Variants in PHACTR1 observed in about 807,000 individuals in gnomAD.
PHACTR1 encodes the protein phosphatase and actin regulator 1.
PHACTR1 carries 16 observed loss-of-function variants against 69.2 expected under a neutral mutation model. The observed-to-expected ratio is 0.23, with a 90% CI of 0.16 to 0.35. The LOEUF (loss-of-function observed/expected upper bound fraction) is 0.35. Ranked by LOEUF, PHACTR1 falls within the 10% of genes least tolerant of loss-of-function variation. PHACTR1 has a pLI of 1.00. For missense variants in PHACTR1, 510 were observed against 734.7 expected, an observed-to-expected ratio of 0.69 and a Z score of 3.54; for synonymous variants, 312 against 284.5, an observed-to-expected ratio of 1.10 and a Z score of -0.97.
chr6:12,862,723 A>G (rs1781065116), intron 4 of PHACTR1, among the ~76,000 whole-genome samples: 1 of 152,346 alleles, frequency 6.6e-6, no homozygotes, highest in Non-Finnish European at 1.5e-5. Context: ...AAAAAAGCAC[A>G]TCTTCTCTGA....
chr6:13,107,427 C>G (rs1816348585), intron 5 of PHACTR1, among the ~76,000 whole-genome samples: 1 of 152,126 alleles, frequency 6.6e-6, no homozygotes, highest in Admixed American at 6.6e-5. Context: ...CTCTTTGTAT[C>G]TAAATAAGTT....
At chr6:13,230,936 A>G (rs993977872) in intron 10 of PHACTR1, among the ~76,000 whole-genome samples, 2 of 151,862 alleles carry the variant, frequency 1.3e-5, no homozygotes, top group African/African-American at 4.8e-5. Context: ...GGATGGCTTG[A>G]GCACAGGAGG....
intron 11 of PHACTR1, chr6:13,273,902 G>GCCCCCCC: frequency 6.9e-6 from 1 of 145,758 alleles, no homozygotes; most frequent in African/African-American, 2.7e-5. Flanking sequence ...GCCTCCCCCG[G>GCCCCCCC]CCCCCCCGCC....
chr6:12,772,536 T>C (rs1185797269), intron 4 of PHACTR1, among the ~76,000 whole-genome samples: 2 of 152,220 alleles, frequency 1.3e-5, no homozygotes, highest in African/African-American at 2.4e-5. Flanking sequence ...TTGTGCCTAC[T>C]TTACTCTGCA....
chr6:12,792,464 CAAAAAAAAAAAAAAAAA>C (rs60942588), intron 4 of PHACTR1, among the ~76,000 whole-genome samples: 4 of 31,404 alleles, frequency 1.3e-4, no homozygotes, highest in South Asian at 2.5e-3. Flanking sequence ...AACTCCATGT[CAAAAAAAAAAAAAAAAA>C]AAAAAAAAAA....
chr6:13,265,950 A>G (rs1426045914), intron 10 of PHACTR1, among the ~76,000 whole-genome samples: 1 of 152,126 alleles, frequency 6.6e-6, no homozygotes, highest in Non-Finnish European at 1.5e-5. Flanking sequence ...TCAGATTTCT[A>G]TCACTGGCCT....
chr6:12,797,040 T>TGTGTGAGTGTGTGAGA (rs563796658), intron 4 of PHACTR1, among the ~76,000 whole-genome samples: 3 of 133,396 alleles, frequency 2.2e-5, no homozygotes, highest in African/African-American at 8.4e-5. Flanking sequence ...TGTGTGTGTG[T>TGTGTGAGTGTGTGAGA]GAGAGAGAGA....
intron 10 of PHACTR1, among the ~76,000 whole-genome samples, chr6:13,253,619 G>C (rs1774795200): frequency 6.6e-6 from 1 of 152,212 alleles, no homozygotes; most frequent in Non-Finnish European, 1.5e-5. Context: ...CCTAGGGTAA[G>C]CCTTCAGTTA....
intron 4 of PHACTR1, among the ~76,000 whole-genome samples, chr6:12,990,684 G>C (rs887730276): frequency 6.6e-6 from 1 of 152,210 alleles, no homozygotes; most frequent in Non-Finnish European, 1.5e-5. Context: ...ACAGCCTTCT[G>C]CACCTGCCCC....
intron 7 of PHACTR1, among the ~76,000 whole-genome samples, chr6:13,196,169 A>C (rs193223092): frequency 6.2e-4 from 94 of 152,262 alleles, no homozygotes; most frequent in African/African-American, 2.2e-3. Flanking sequence ...GAAAGGCAAG[A>C]AGTAGTGTGT....
At chr6:13,223,907 T>A (rs978942145) in intron 8 of PHACTR1, among the ~76,000 whole-genome samples, 1 of 152,182 alleles carries the variant, frequency 6.6e-6, no homozygotes, top group Non-Finnish European at 1.5e-5. Flanking sequence ...GCCCTTTTTG[T>A]CATTGCCATT....
intron 4 of PHACTR1, among the ~76,000 whole-genome samples, chr6:12,902,747 A>G (rs1785338314): frequency 6.6e-6 from 1 of 152,234 alleles, no homozygotes; most frequent in African/African-American, 2.4e-5. Context: ...ATTCATCAAT[A>G]TATGAAGAAC....
chr6:12,828,738 G>T (rs1486299218), intron 4 of PHACTR1, among the ~76,000 whole-genome samples: 3 of 149,894 alleles, frequency 2.0e-5, no homozygotes, highest in Non-Finnish European at 3.0e-5. Flanking sequence ...AATTATTTTT[G>T]GGGAAAAATA....
At chr6:12,832,524 C>A (rs1777693183) in intron 4 of PHACTR1, among the ~76,000 whole-genome samples, 1 of 152,000 alleles carries the variant, frequency 6.6e-6, no homozygotes, top group Non-Finnish European at 1.5e-5. Context: ...CAACAGGAAG[C>A]ACTTTGGGGT....
chr6:13,253,512 C>T (rs1351440624), intron 10 of PHACTR1, among the ~76,000 whole-genome samples: 1 of 152,204 alleles, frequency 6.6e-6, no homozygotes, highest in African/African-American at 2.4e-5. Context: ...CCAGAACTTC[C>T]TCTCTTTATT....
At chr6:13,155,920 G>T (rs1758109791) in intron 5 of PHACTR1, among the ~76,000 whole-genome samples, 1 of 151,882 alleles carries the variant, frequency 6.6e-6, no homozygotes, top group Non-Finnish European at 1.5e-5. Context: ...TCCTTACAGG[G>T]AAGAAAGAAG....
chr6:13,053,224 T>C, intron 4 of PHACTR1, 141 bp from the exon 5 acceptor site: 1 of 943,836 alleles, frequency 1.1e-6, no homozygotes, highest in Non-Finnish European at 1.5e-6. Flanking sequence ...TGGTGTGACT[T>C]CCATTCCAAA....
chr6:13,210,916 T>C lies in PHACTR1; in HGVS notation c.986+4780T>C, dbSNP rs1038006515. On this transcript the variant is annotated intron_variant, in intron 8 of 14. Transcript: ENST00000332995. Reference sequence around the variant, plus strand: ...AAGATGATGGTTTATCATTTCTTTTTTTTTTTTTTTTTTTTTTGCATTGAG... The same window carrying C: ...AAGATGATGGTTTATCATTTCTTTTCTTTTTTTTTTTTTTTTTGCATTGAG... 6.5e-5 allele frequency among the ~76,000 whole-genome samples: 9 copies of C among 138,408 alleles called. No individual in the cohort carries two copies. The East Asian group carries it at 1.0e-3, about 16-fold the overall frequency. 90.8% of individuals were successfully genotyped at this position (138,408 alleles called of 152,430 possible).
chr6:12,834,158 G>A (rs1419868819), intron 4 of PHACTR1, among the ~76,000 whole-genome samples: 1 of 152,044 alleles, frequency 6.6e-6, no homozygotes, highest in Non-Finnish European at 1.5e-5. Context: ...TAAGATATTT[G>A]ACAAGACTTT....
Sources: allele counts gnomAD v4.1 joint callset (sites outside exome capture counted in the v4.1 genomes callset), GRCh38; gene constraint gnomAD v4.1.1; transcripts MANE v1.5; gene names NCBI Gene and HGNC (gene_info 2026-07-23, HGNC 2026-07-21).